The following COL4A4 variants were observed in gnomAD, a reference collection of about 807,000 sequenced individuals.
COL4A4 encodes the protein collagen alpha-4(IV) chain.
COL4A4 carries 105 observed loss-of-function variants against 192.9 expected under a neutral mutation model. The observed-to-expected ratio is 0.54, with a 90% CI of 0.46 to 0.64. The LOEUF is 0.64. Ranked by LOEUF, COL4A4 falls within the 30% of genes least tolerant of loss-of-function variation. The pLI, the probability that COL4A4 is intolerant of heterozygous loss-of-function variation, is 0.00. For synonymous variants in COL4A4, 762 were observed against 769.9 expected (o/e 0.99, Z 0.17); for missense variants, 1,967 against 2,169.3 (o/e 0.91, Z 1.85).
intron 42 of COL4A4, among the ~76,000 whole-genome samples, chr2:227,026,835 A>G (rs1966924729): frequency 6.6e-6 from 1 of 152,236 alleles, no homozygotes; most frequent in South Asian, 2.1e-4. Context: ...AAAAAAAATT[A>G]AATAAAACAT....
In COL4A4 at chr2:227,096,943, T is replaced by C. The variant is rs117053801; in HGVS notation, c.1204+1751A>G. ...TTCTATACGTTGTATATATAGTAAA[T>C]ACCATAGATATTAACAATAATATCT... On this transcript the variant is annotated intron_variant, in intron 19 of 47. Transcript: ENST00000396625. 1.2e-3 allele frequency among the ~76,000 whole-genome samples: 179 copies of C among 152,278 alleles called. 2 individuals carry two copies. In the East Asian group the frequency reaches 0.033, roughly 28 times the overall value.
the COL4A4 span, among the ~76,000 whole-genome samples, chr2:226,973,581 G>A: frequency 6.6e-6 from 1 of 152,182 alleles, no homozygotes; most frequent in Non-Finnish European, 1.5e-5. Context: ...TCTCTTCCCT[G>A]CCTAGTCCCC....
chr2:227,161,024 T>C (rs1293810049), intron 1 of COL4A4, among the ~76,000 whole-genome samples: 1 of 152,244 alleles, frequency 6.6e-6, no homozygotes, highest in African/African-American at 2.4e-5. Flanking sequence ...AGGTGTATCT[T>C]GTATCTCATT....
At chr2:227,052,063 C>T (rs892891547) in intron 32 of COL4A4, among the ~76,000 whole-genome samples, 2 of 151,960 alleles carry the variant, frequency 1.3e-5, no homozygotes, top group Non-Finnish European at 2.9e-5. Flanking sequence ...TGGTGGCATG[C>T]GCCTGTAATT....
intron 25 of COL4A4, among the ~76,000 whole-genome samples, chr2:227,066,382 C>G (rs1345103366): frequency 6.6e-6 from 1 of 151,620 alleles, no homozygotes; most frequent in African/African-American, 2.4e-5. Flanking sequence ...AAAGATACTC[C>G]TCGAGAAGAG....
chr2:227,030,541 C>T lies in COL4A4; in HGVS notation c.3875G>A (p.Gly1292Asp), dbSNP rs971779449. 8 of 1,614,076 alleles carry T rather than the reference C, an allele frequency of 5.0e-6. No homozygotes were observed. The highest frequency in any genetic ancestry group is 1.3e-5 in the African/African-American group (1 of 75,028). ...TGGTGGCCCTGGTAGACCACAGTCA[C>T]CTGGCTCCCCTCTCAGAAGGTCAAC... ...GSVDLLRGEP[G>D]DCGLPGPPGP... is the part of the protein sequence containing the mutation. Residue 1292 changes from glycine (G) to aspartate (D), a missense_variant, in exon 41 of 48, where the codon GGT becomes GAT. Transcript: ENST00000396625.
At chr2:227,075,812 A>C (rs2058993369) in intron 25 of COL4A4, among the ~76,000 whole-genome samples, 1 of 152,200 alleles carries the variant, frequency 6.6e-6, no homozygotes, top group South Asian at 2.1e-4. Flanking sequence ...ATCAATGTGC[A>C]AAATTCACAA....
At position 227,101,012 on chromosome 2, in the gene COL4A4, G is replaced by T. The variant is rs574301599; in HGVS notation, c.1029+492C>A. Among the ~76,000 whole-genome samples, 292 of 152,184 alleles carry T rather than the reference G, an allele frequency of 1.9e-3. 3 individuals carry two copies. Among genetic ancestry groups the T allele is most frequent in the African/African-American group, 6.5e-3 (270 of 41,502 alleles). On this transcript the variant is annotated intron_variant, in intron 17 of 47. Transcript: ENST00000396625. ...TTTAGTAGAGACGGGGTTTCACTGT[G>T]TTAGCCAGGATGGTCTCGATCTCCT...
At chr2:226,979,422 A>C in the COL4A4 span, among the ~76,000 whole-genome samples, 1 of 152,228 alleles carries the variant, frequency 6.6e-6, no homozygotes, top group Non-Finnish European at 1.5e-5. Flanking sequence ...CCAGGTCACC[A>C]CCCAGGAACA....
chr2:227,015,734 T>C (rs1343413985), intron 44 of COL4A4, among the ~76,000 whole-genome samples: 2 of 152,184 alleles, frequency 1.3e-5, no homozygotes, highest in African/African-American at 2.4e-5. Context: ...AAATAAATTA[T>C]GGCACAATCA....
rs1445929371 is a variant in COL4A4 at position 227,027,739 on chromosome 2, CATG to C, written c.4081+160_4081+162del. 7 of 516,580 alleles carry C rather than the reference CATG, an allele frequency of 1.4e-5. No homozygotes were observed. In the African/African-American group the frequency reaches 1.4e-4, roughly 10 times the overall value. The allele number at this position is 516,580 out of a possible 1,614,324, so 32.0% of individuals were successfully genotyped here. A position where few individuals can be genotyped will look rare whatever the true frequency, so the allele number is the denominator to read the frequency against. The stretch of plus-strand genomic sequence containing the variant: ...GACAATAAATTATTACTTTACCAAA[CATG>C]AGACTTTGTAGTGCGGCCTGAAAGA... On this transcript the variant is annotated intron_variant, in intron 42 of 47. Transcript: ENST00000396625.
At chr2:226,975,442 G>C in the COL4A4 span, among the ~76,000 whole-genome samples, 1 of 152,186 alleles carries the variant, frequency 6.6e-6, no homozygotes, top group Admixed American at 6.5e-5. Flanking sequence ...TGGCCATGGG[G>C]TGAGGGAGGG....
intron 47 of COL4A4, 152 bp downstream of exon 47, chr2:227,007,866 C>A (rs1962507670): frequency 5.2e-6 from 5 of 958,690 alleles, no homozygotes; most frequent in Non-Finnish European, 7.8e-6. Context: ...AATGGCCCTG[C>A]ATCCCAACAG....
chr2:227,032,698 A>G (rs1179386283), intron 38 of COL4A4, among the ~76,000 whole-genome samples: 1 of 152,226 alleles, frequency 6.6e-6, no homozygotes, highest in Non-Finnish European at 1.5e-5. Context: ...CACACATTTA[A>G]TCTATTTGGA....
chr2:227,104,692 G>A (rs1173210669), intron 12 of COL4A4, among the ~76,000 whole-genome samples: 2 of 141,610 alleles, frequency 1.4e-5, no homozygotes, highest in African/African-American at 2.6e-5. Context: ...CCAGGCCAGA[G>A]TGCAATGACG....
the COL4A4 span, among the ~76,000 whole-genome samples, chr2:226,981,945 G>A: frequency 1.3e-5 from 2 of 152,194 alleles, no homozygotes; most frequent in Non-Finnish European, 2.9e-5. Context: ...CGCCCTCATG[G>A]TCCAAGTTAT....
the COL4A4 span, among the ~76,000 whole-genome samples, chr2:226,987,776 T>C: frequency 6.6e-6 from 1 of 152,306 alleles, no homozygotes; most frequent in East Asian, 1.9e-4. Context: ...TGACTTGATA[T>C]ATTATCTGCA....
At chr2:227,050,823 A>G (rs991162110) in intron 33 of COL4A4, among the ~76,000 whole-genome samples, 154 bp downstream of exon 33, 5 of 152,230 alleles carry the variant, frequency 3.3e-5, no homozygotes, top group Non-Finnish European at 5.9e-5. Context: ...GTGGCCTTCT[A>G]GAAGGCTCTA....
At chr2:227,085,809 G>A (rs997168889) in intron 22 of COL4A4, among the ~76,000 whole-genome samples, 8 of 152,128 alleles carry the variant, frequency 5.3e-5, no homozygotes, top group African/African-American at 1.9e-4. Flanking sequence ...CTCAAACACT[G>A]GGGATTACAT....
Sources: gnomAD v4.1 joint callset for allele counts (sites outside exome capture counted in the v4.1 genomes callset) on GRCh38, gnomAD v4.1.1 for gene constraint, MANE v1.5 for transcripts, NCBI Gene and HGNC (gene_info 2026-07-23, HGNC 2026-07-21) for gene names.